Variants in COL4A3 observed in about 807,000 individuals in gnomAD.
COL4A3 encodes the protein collagen type IV alpha 3 chain, also known as collagen alpha-3(IV) chain.
Under a neutral mutation model 217.4 loss-of-function variants are expected in COL4A3, and 135 were observed. The observed-to-expected ratio is 0.62, with a 90% CI of 0.54 to 0.72. The LOEUF (loss-of-function observed/expected upper bound fraction) is 0.72, where lower values mean the gene tolerates loss of function less well. Among genes scored for constraint, COL4A3 ranks in the 30% least tolerant of loss-of-function variants. COL4A3 has a pLI of 0.00. For synonymous variants in COL4A3, 690 were observed against 736.3 expected (o/e 0.94, Z 1.02); for missense variants, 1,868 against 2,119.9 (o/e 0.88, Z 2.33).
chr2:227,240,109 C>T (rs772878058), intron 2 of COL4A3, 34 bp from the exon 3 acceptor site: 36 of 1,527,738 alleles, frequency 2.4e-5, no homozygotes, highest in Non-Finnish European at 3.0e-5. Flanking sequence ...AGTTGCTGCT[C>T]TGTGTGTTTC....
At chr2:227,240,064 GAACATAA>G (rs1175480522) in intron 2 of COL4A3, 72 bp from the exon 3 acceptor site, 2 of 1,176,106 alleles carry the variant, frequency 1.7e-6, no homozygotes, top group African/African-American at 3.0e-5. Context: ...ATAAACAAGA[GAACATAA>G]TGGTTATTGG....
At chr2:227,219,754 A>G (rs572923618) in intron 1 of COL4A3, among the ~76,000 whole-genome samples, 64 of 152,170 alleles carry the variant, frequency 4.2e-4, no homozygotes, top group Admixed American at 1.2e-3. Flanking sequence ...TCTTGTTTTT[A>G]CCACAGTTAT....
intron 41 of COL4A3, chr2:227,296,286 G>C (rs2073025694): frequency 6.5e-6 from 1 of 152,974 alleles, no homozygotes. Flanking sequence ...CCACAGTGTA[G>C]CTTTAGAATT....
At chr2:227,195,747 A>G (rs1393523584) in intron 1 of COL4A3, among the ~76,000 whole-genome samples, 2 of 150,660 alleles carry the variant, frequency 1.3e-5, no homozygotes, top group East Asian at 3.9e-4. Flanking sequence ...TTCAGGAGAT[A>G]TCCAGAAGAA....
At position 227,173,676 on chromosome 2, in the gene COL4A3, G is replaced by A. The variant is rs1313833044; in HGVS notation, c.87+8863G>A. ...GTCATTTTAAATTTAATATCTTCTA[G>A]TAGCCACATTAAAAAATAGAGATGG... On this transcript the variant is annotated intron_variant, in intron 1 of 51. Transcript: ENST00000396578. Among the ~76,000 whole-genome samples the A allele has an allele frequency of 2.0e-5, 3 of 152,100 alleles. No individual in the cohort carries two copies. In the East Asian group the frequency reaches 5.8e-4, roughly 29 times the overall value.
intron 34 of COL4A3, among the ~76,000 whole-genome samples, chr2:227,285,947 A>T (rs896251772): frequency 6.6e-6 from 1 of 152,214 alleles, no homozygotes; most frequent in Non-Finnish European, 1.5e-5. Flanking sequence ...TCTAAATCTG[A>T]ATTTCTGACT....
chr2:227,201,753 G>A (rs967483755), intron 1 of COL4A3, among the ~76,000 whole-genome samples: 1 of 152,164 alleles, frequency 6.6e-6, no homozygotes, highest in Non-Finnish European at 1.5e-5. Flanking sequence ...TGGGACTCAA[G>A]CATTGCAACT....
Position 227,177,635 on chromosome 2 carries a change from C to T in COL4A3, c.87+12822C>T, listed in dbSNP as rs1000783732. On this transcript the variant is annotated intron_variant, in intron 1 of 51. Transcript: ENST00000396578. ...ATTTGAGGTTTTAGTTACCTGTGGT[C>T]AATGGGTTCCAAAATATTCAGTAGA... Among the ~76,000 whole-genome samples, 9 of 152,258 alleles carry T rather than the reference C, an allele frequency of 5.9e-5. No individual in the cohort carries two copies. In the East Asian group the frequency reaches 1.7e-3, roughly 29 times the overall value.
intron 51 of COL4A3, 142 bp from the exon 52 acceptor site, chr2:227,311,644 C>A: frequency 1.4e-6 from 1 of 710,988 alleles, no homozygotes; most frequent in Non-Finnish European, 2.3e-6. Context: ...TCCCAAATTG[C>A]TGGGATTACA....
At chr2:227,291,030 T>A in intron 37 of COL4A3, 144 bp downstream of exon 37, 1 of 953,768 alleles carries the variant, frequency 1.0e-6, no homozygotes, top group Non-Finnish European at 1.6e-6. Context: ...TTTAAAATCC[T>A]ATCTCCACAA....
chr2:227,249,877 C>T (rs997026850), intron 9 of COL4A3, among the ~76,000 whole-genome samples: 5 of 152,052 alleles, frequency 3.3e-5, no homozygotes, highest in Non-Finnish European at 4.4e-5. Flanking sequence ...TATTGATTAT[C>T]GTATATGTAT....
intron 43 of COL4A3, 51 bp from the exon 44 acceptor site, chr2:227,302,987 G>T: frequency 8.2e-7 from 1 of 1,217,156 alleles, no homozygotes; most frequent in South Asian, 1.2e-5. Context: ...GCTGTGAATT[G>T]AGTGATTTTA....
At chr2:227,202,561 G>A (rs1443602599) in intron 1 of COL4A3, among the ~76,000 whole-genome samples, 7 of 151,312 alleles carry the variant, frequency 4.6e-5, no homozygotes, top group East Asian at 1.9e-4. Flanking sequence ...TGGCTAACAC[G>A]GTGAAACCCC....
chr2:227,294,300 A>G, intron 38 of COL4A3, 190 bp from the exon 39 acceptor site: 1 of 625,594 alleles, frequency 1.6e-6, no homozygotes, highest in East Asian at 2.8e-5. Context: ...AAGTGATTAG[A>G]CACATCTCTG....
rs1307897664 is a variant in COL4A3, at chr2:227,256,526, G to GT, written c.987+132dup. The GT allele has an allele frequency of 4.8e-6, 4 of 837,192 alleles. No individual in the cohort carries two copies. The African/African-American group carries it at 6.6e-5, about 14-fold the overall frequency. 51.9% of individuals were successfully genotyped at this position (837,192 alleles called of 1,614,324 possible). A position where few individuals can be genotyped will look rare whatever the true frequency, so the allele number is the denominator to read the frequency against. ...TTCATTCAAATACCCTACTAGGTCTGTTAAGAAGAAAAGAGAGATGTGGCA... is the reference window on the plus strand; with the variant it reads ...TTCATTCAAATACCCTACTAGGTCTGTTTAAGAAGAAAAGAGAGATGTGGCA... On this transcript the variant is annotated intron_variant, in intron 17 of 51. Transcript: ENST00000396578.
At chr2:227,294,234 TTAAAA>T in intron 38 of COL4A3, 7 of 470,508 alleles carry the variant, frequency 1.5e-5, no homozygotes, top group Non-Finnish European at 2.7e-5. Flanking sequence ...TAACTCGCAA[TTAAAA>T]TAAAATCGCA....
intron 1 of COL4A3, among the ~76,000 whole-genome samples, chr2:227,169,916 T>C (rs1382538826): frequency 1.3e-5 from 2 of 152,206 alleles, no homozygotes; most frequent in African/African-American, 4.8e-5. Context: ...ACTATGTTTA[T>C]ATTAAATCTA....
At chr2:227,245,856 T>G (rs1156371506) in intron 5 of COL4A3, 98 bp from the exon 6 acceptor site, 1 of 891,346 alleles carries the variant, frequency 1.1e-6, no homozygotes, top group East Asian at 2.4e-5. Flanking sequence ...AACAATCATT[T>G]ATATTTCAAG....
chr2:227,284,925 C>A (rs2072218658), intron 34 of COL4A3, among the ~76,000 whole-genome samples: 2 of 152,086 alleles, frequency 1.3e-5, no homozygotes, highest in South Asian at 4.1e-4. Flanking sequence ...TATTTGGGCC[C>A]TTTTTATGGC....
Sources: gnomAD v4.1 joint callset for allele counts (sites outside exome capture counted in the v4.1 genomes callset) on GRCh38, gnomAD v4.1.1 for gene constraint, MANE v1.5 for transcripts, NCBI Gene and HGNC (gene_info 2026-07-23, HGNC 2026-07-21) for gene names.